TENM2: variants seen among roughly 807,000 people sequenced by gnomAD.
TENM2 encodes teneurin-2.
TENM2 carries 52 observed loss-of-function variants against 245.2 expected under a neutral mutation model. The observed-to-expected ratio is 0.21, with a 90% CI of 0.17 to 0.27. TENM2 has a LOEUF of 0.27. Ranked by LOEUF, TENM2 falls within the 10% of genes least tolerant of loss-of-function variation. The pLI, the probability that TENM2 is intolerant of heterozygous loss-of-function variation, is 1.00. For missense variants in TENM2, 3,046 were observed against 3,666.8 expected (o/e 0.83, Z 4.37); for synonymous variants, 1,363 against 1,438.9 (o/e 0.95, Z 1.19).
intron 2 of TENM2, among the ~76,000 whole-genome samples, chr5:167,462,644 C>T (rs1251049081): frequency 6.6e-6 from 1 of 152,022 alleles, no homozygotes; most frequent in African/African-American, 2.4e-5. Flanking sequence ...CCCAGCAGAA[C>T]TCCTCTCAAA....
chr5:167,313,379 G>A (rs1464480480), intron 1 of TENM2, among the ~76,000 whole-genome samples: 3 of 152,190 alleles, frequency 2.0e-5, no homozygotes, highest in Non-Finnish European at 1.5e-5. Context: ...GGTGGCTCAC[G>A]CCTTATAATC....
At chr5:167,141,723 A>T in the TENM2 span, among the ~76,000 whole-genome samples, 1 of 152,174 alleles carries the variant, frequency 6.6e-6, no homozygotes, top group Non-Finnish European at 1.5e-5. Flanking sequence ...TGCTAATAAT[A>T]TACTGGGTAG....
chr5:168,240,357 A>T (rs1265692081), intron 25 of TENM2, among the ~76,000 whole-genome samples: 1 of 152,212 alleles, frequency 6.6e-6, no homozygotes, highest in Admixed American at 6.5e-5. Flanking sequence ...GAAAGCCTGT[A>T]GTCCAACACC....
chr5:167,911,108 A>G (rs12109229), intron 3 of TENM2, among the ~76,000 whole-genome samples: 52,568 of 152,034 alleles, frequency 0.35, 10,143 homozygotes, highest in East Asian at 0.51. Flanking sequence ...TTCCTTTTGT[A>G]GTAAGGTACA....
intron 4 of TENM2, among the ~76,000 whole-genome samples, chr5:167,974,037 A>AGAAG (rs1554163793): frequency 5.6e-4 from 14 of 25,064 alleles, no homozygotes; most frequent in South Asian, 3.5e-3. Flanking sequence ...GGAAGGAAGG[A>AGAAG]GAAGGAAGGA....
At chr5:167,781,564 A>C (rs1327907873) in intron 2 of TENM2, among the ~76,000 whole-genome samples, 1 of 152,190 alleles carries the variant, frequency 6.6e-6, no homozygotes, top group African/African-American at 2.4e-5. Flanking sequence ...GAGCGAGTTT[A>C]ACAGAGGTAA....
the TENM2 span, among the ~76,000 whole-genome samples, chr5:167,102,979 T>G: frequency 6.6e-6 from 1 of 152,190 alleles, no homozygotes; most frequent in African/African-American, 2.4e-5. Flanking sequence ...TAATTCCTTG[T>G]AACGATATTG....
chr5:168,115,728 A>C (rs1795036690), intron 9 of TENM2, among the ~76,000 whole-genome samples: 1 of 152,152 alleles, frequency 6.6e-6, no homozygotes, highest in Non-Finnish European at 1.5e-5. Context: ...AGTGATGTTG[A>C]TTCTAGTCTT....
At chr5:167,984,681 T>G (rs1783101561) in intron 4 of TENM2, among the ~76,000 whole-genome samples, 1 of 151,956 alleles carries the variant, frequency 6.6e-6, no homozygotes, top group Non-Finnish European at 1.5e-5. Flanking sequence ...ATATGCTTGT[T>G]TTTTTTGTAA....
At chr5:167,463,124 A>G (rs1369235591) in intron 2 of TENM2, among the ~76,000 whole-genome samples, 1 of 152,182 alleles carries the variant, frequency 6.6e-6, no homozygotes, top group Non-Finnish European at 1.5e-5. Context: ...AGGCATATAA[A>G]CATATTATAT....
rs184632179 is a variant in TENM2 at position 167,729,556 on chromosome 5, C to T, written c.503-146430C>T. 2.6e-5 allele frequency among the ~76,000 whole-genome samples: 4 copies of T among 152,194 alleles called. No individual in the cohort carries two copies. In the East Asian group the frequency reaches 7.7e-4, roughly 29 times the overall value. ...AAAGGCTAATGTAATTGGGTGAACT[C>T]AGCAACTGGGAAATGTCAATTAATG... is the stretch of plus-strand genomic sequence containing the variant. On this transcript the variant is annotated intron_variant, in intron 2 of 28. Coordinates refer to ENST00000518659, the Ensembl canonical transcript of TENM2.
At chr5:167,872,556 A>AAGAAAGAAAGAAAGAAAG (rs1773066629) in intron 2 of TENM2, among the ~76,000 whole-genome samples, 1 of 58,662 alleles carries the variant, frequency 1.7e-5, no homozygotes, top group Non-Finnish European at 5.1e-5. Flanking sequence ...AAGAGAAAGA[A>AAGAAAGAAAGAAAGAAAG]AGAAAGAAAG....
intron 2 of TENM2, among the ~76,000 whole-genome samples, chr5:167,515,137 A>G (rs1435872692): frequency 4.6e-5 from 7 of 152,206 alleles, no homozygotes; most frequent in Non-Finnish European, 1.0e-4. Context: ...TCCTGTCCAT[A>G]TGATACACAG....
intron 4 of TENM2, among the ~76,000 whole-genome samples, chr5:167,966,377 A>G (rs1781388062): frequency 6.6e-6 from 1 of 152,206 alleles, no homozygotes; most frequent in African/African-American, 2.4e-5. Context: ...CCCTTGGGGC[A>G]TCCCTTGAAT....
chr5:167,980,949 TC>T (rs1391032114), intron 4 of TENM2, among the ~76,000 whole-genome samples: 8 of 152,098 alleles, frequency 5.3e-5, no homozygotes, highest in Non-Finnish European at 8.8e-5. Context: ...CAGGTGTCCT[TC>T]CAGTTGCTGG....
chr5:167,770,980 A>T (rs1763364415), intron 2 of TENM2, among the ~76,000 whole-genome samples: 1 of 152,152 alleles, frequency 6.6e-6, no homozygotes. Context: ...AAAATTGTGT[A>T]TCAGAAAATG....
At chr5:168,031,318 A>G (rs62383384) in intron 5 of TENM2, among the ~76,000 whole-genome samples, 27,363 of 152,146 alleles carry the variant, frequency 0.18, 2,659 homozygotes, top group Admixed American at 0.29. Flanking sequence ...ATATTTCATA[A>G]TTTCTATTAT....
intron 2 of TENM2, among the ~76,000 whole-genome samples, chr5:167,588,159 G>A (rs1474855864): frequency 6.6e-6 from 1 of 152,186 alleles, no homozygotes; most frequent in African/African-American, 2.4e-5. Flanking sequence ...ACATGAACGT[G>A]CAACATAACT....
At chr5:167,949,218 T>G (rs1178511255) in intron 3 of TENM2, among the ~76,000 whole-genome samples, 1 of 152,144 alleles carries the variant, frequency 6.6e-6, no homozygotes, top group Admixed American at 6.5e-5. Flanking sequence ...GCAAATCAGA[T>G]AAGCCACCCC....
Sources: gnomAD v4.1 joint callset for allele counts (sites outside exome capture counted in the v4.1 genomes callset) on GRCh38, gnomAD v4.1.1 for gene constraint, MANE v1.5 for transcripts, NCBI Gene and HGNC (gene_info 2026-07-23, HGNC 2026-07-21) for gene names.